EME2: variants seen among roughly 807,000 people sequenced by gnomAD.
EME2 encodes the protein structure-specific endonuclease subunit EME2.
EME2 carries 58 observed loss-of-function variants against 41.9 expected under a neutral mutation model. The observed-to-expected ratio is 1.38, with a 90% CI of 1.12 to 1.72. The LOEUF (loss-of-function observed/expected upper bound fraction) is 1.72, where lower values mean the gene tolerates loss of function less well. EME2 is among the 40% of genes most tolerant of loss of function. The pLI, the probability that EME2 is intolerant of heterozygous loss-of-function variation, is 0.00. For synonymous variants in EME2, 334 were observed against 239.3 expected (o/e 1.40, Z -3.65); for missense variants, 695 against 541.9 (o/e 1.28, Z -2.81).
At chr16:1,774,467 C>G (rs1015188133) in intron 3 of EME2, 115 bp downstream of exon 3, 1 of 787,640 alleles carries the variant, frequency 1.3e-6, no homozygotes, top group African/African-American at 1.7e-5. Context: ...GGGCATGGGG[C>G]AGGCCAGGAC....
rs368211012 is a variant in EME2, at chr16:1,775,145, C to T, written c.569+13C>T. 9 of 1,611,482 alleles carry T rather than the reference C, an allele frequency of 5.6e-6. No individual in the cohort carries two copies. Among genetic ancestry groups the T allele is most frequent in the Non-Finnish European group, 6.8e-6 (8 of 1,179,276 alleles). ...ATGCCTACCTGTGGTACCGCTCACT[C>T]TCATGCCCACAGCAGGGCTGGCTGG... is the stretch of plus-strand genomic sequence containing the variant. On this transcript the variant is annotated intron_variant, in intron 4 of 7. Transcript: ENST00000568449.
rs1174906627 is a variant in EME2 at position 1,776,222 on chromosome 16, T to A, written c.1124T>A (p.Leu375Gln). The change falls in exon 8 of 8, where the codon CTG becomes CAG. Residue 375 changes from leucine to glutamine, a missense_variant. By Grantham distance (113) the Leu-to-Gln change is moderately radical. Coordinates refer to ENST00000568449, the MANE Select transcript of EME2 (RefSeq NM_001257370.2). ...FLTTANPDLLLDLGS is the reference protein window; with the variant it reads ...FLTTANPDLLQDLGS ...ACCACAGCCAACCCTGATCTCCTGC[T>A]GGACCTGGGCTCCTGACCACACGTG... is the stretch of plus-strand genomic sequence containing the variant. 6.2e-7 allele frequency: 1 copy of A among 1,612,440 alleles called. No individual in the cohort carries two copies. Among genetic ancestry groups the A allele is most frequent in the Non-Finnish European group, 8.5e-7 (1 of 1,179,954 alleles).
rs901114865 is a variant in EME2, at chr16:1,773,816, C to A, written c.359C>A (p.Ala120Glu). The A allele has an allele frequency of 1.3e-6, 2 of 1,557,460 alleles. No individual in the cohort carries two copies. The highest frequency in any genetic ancestry group is 8.7e-7 in the Non-Finnish European group (1 of 1,153,854). The change falls in exon 2 of 8, where the codon GCG becomes GAG. Residue 120 changes from alanine to glutamate, a missense_variant. Physicochemically the swap from Ala to Glu is moderately radical, Grantham distance 107. Coordinates refer to ENST00000568449, the MANE Select transcript of EME2 (RefSeq NM_001257370.2). The part of the protein sequence containing the change: ...RPARSLRWTR[A>E]SPDPCPRSLP... Reference sequence around the variant, plus strand: ...GCCCGCAGCCTGCGGTGGACCCGAGCGAGTCCCGACCCCTGCCCCCGCAGC... The same window carrying A: ...GCCCGCAGCCTGCGGTGGACCCGAGAGAGTCCCGACCCCTGCCCCCGCAGC...
At position 1,777,705 on chromosome 16, in the gene EME2, G is replaced by T; in HGVS notation, c.*1467G>T. On this transcript the variant is annotated 3_prime_UTR_variant, in exon 8 of 8. Transcript: ENST00000568449. ...TGGGGCGGGGTGGCTGCCTCCCTCG[G>T]GGTGACAGCTGAGAGGAGCTCAAGT... 1 of 1,603,136 alleles carries T rather than the reference G, an allele frequency of 6.2e-7. No individual in the cohort carries two copies.
chr16:1,778,616 G>A lies in EME2; in HGVS notation c.*2378G>A, dbSNP rs1331013592. ...GGTCGGAGTCCGAGTCGCTGTGCTG[G>A]GAGAGAAGGGCCGGCTGTTACTACC... On this transcript the variant is annotated 3_prime_UTR_variant, in exon 8 of 8. Coordinates refer to ENST00000568449, the MANE Select transcript of EME2 (RefSeq NM_001257370.2). 2 of 1,541,284 alleles carry A rather than the reference G, an allele frequency of 1.3e-6. No homozygotes were observed. The highest frequency in any genetic ancestry group is 1.4e-5 in the African/African-American group (1 of 73,496).
Position 1,776,817 on chromosome 16 carries a change from T to C in EME2, c.*579T>C, listed in dbSNP as rs538680542. 18 of 513,084 alleles carry C rather than the reference T, an allele frequency of 3.5e-5. No individual in the cohort carries two copies. Among genetic ancestry groups the C allele is most frequent in the Middle Eastern group, 1.0e-3 (2 of 1,966 alleles). The allele number at this position is 513,084 out of a possible 1,614,324, so 31.8% of individuals were successfully genotyped here. A position where few individuals can be genotyped will look rare whatever the true frequency, so the allele number is the denominator to read the frequency against. ...CAAGTTAGGAAAAACCGAGGCCCTG[T>C]GGGAACAGCAACGCGGGCTCCAGCC... On this transcript the variant is annotated 3_prime_UTR_variant, in exon 8 of 8. Coordinates refer to ENST00000568449, the MANE Select transcript of EME2 (RefSeq NM_001257370.2).
In EME2 at chr16:1,781,217, G is replaced by T; in HGVS notation, c.*4979G>T. ...CTGAATGCGGTGCATCCAGGAGACA[G>T]GCCCAGGTTTGGACTGGTCCTCTAG... On this transcript the variant is annotated 3_prime_UTR_variant, in exon 8 of 8. Coordinates refer to ENST00000568449, the MANE Select transcript of EME2 (RefSeq NM_001257370.2). 1 of 1,576,290 alleles carries T rather than the reference G, an allele frequency of 6.3e-7. No individual in the cohort carries two copies. The highest frequency in any genetic ancestry group is 8.6e-7 in the Non-Finnish European group (1 of 1,167,716).
rs149208934 is a variant in EME2 at position 1,775,671 on chromosome 16, C to G, written c.766C>G (p.Gln256Glu). 1 of 1,612,936 alleles carries G rather than the reference C, an allele frequency of 6.2e-7. No homozygotes were observed. The highest frequency in any genetic ancestry group is 8.5e-7 in the Non-Finnish European group (1 of 1,180,030). Residue 256 changes from glutamine to glutamate, a missense_variant, in exon 6 of 8, where the codon CAG (glutamine) becomes GAG (glutamate). By Grantham distance (29) the Gln-to-Glu change is conservative. Transcript: ENST00000568449. ...HVCAVTKALA[Q>E]YPLKQYRESQ... The stretch of plus-strand genomic sequence containing the variant: ...GTGCGCCGTTACCAAGGCTCTCGCC[C>G]AGTATCCCCTCAAGTGCGTGATGCC...
At position 1,775,909 on chromosome 16, in the gene EME2, A is replaced by G. The variant is rs562711182; in HGVS notation, c.892A>G (p.Arg298Gly). Residue 298 changes from arginine (R) to glycine (G), a missense_variant, in exon 7 of 8, where the codon AGG (arginine) becomes GGG (glycine). Transcript: ENST00000568449. ...GLQAAWRRQI[R>G]QFSRVSPAVA... ...GCAGGCGGCCTGGCGGAGGCAGATC[A>G]GGCAGTTCAGTCGGGTCAGCCCAGC... 6 of 1,612,356 alleles carry G rather than the reference A, an allele frequency of 3.7e-6. No individual in the cohort carries two copies. The South Asian group carries it at 6.6e-5, about 18-fold the overall frequency.
rs553015154 is a variant in EME2 at position 1,775,425 on chromosome 16, G to A, written c.663+17G>A. ...GTGGAAGAGGTGAGGGCCTGTCTGA[G>A]CTGGGTGAGTCAGGTGGCCTGGGTC... On this transcript the variant is annotated intron_variant, in intron 5 of 7. Coordinates refer to ENST00000568449, the MANE Select transcript of EME2 (RefSeq NM_001257370.2). 5.6e-6 allele frequency: 9 copies of A among 1,611,764 alleles called. No individual in the cohort carries two copies. The East Asian group carries it at 1.6e-4, about 28-fold the overall frequency.
chr16:1,778,807 A>C lies in EME2; in HGVS notation c.*2569A>C. The stretch of plus-strand genomic sequence containing the variant: ...GGGCTCCGGCTCTGCCCCATTCTGC[A>C]TGACCAGGAGGGCCCTGGAGGCCCA... On this transcript the variant is annotated 3_prime_UTR_variant, in exon 8 of 8. Transcript: ENST00000568449. The C allele has an allele frequency of 5.5e-6, 3 of 547,906 alleles. No homozygotes were observed. Among genetic ancestry groups the C allele is most frequent in the Non-Finnish European group, 9.1e-6 (3 of 330,738 alleles). 33.9% of individuals were successfully genotyped at this position (547,906 alleles called of 1,614,324 possible).
At position 1,777,185 on chromosome 16, in the gene EME2, G is replaced by A; in HGVS notation, c.*947G>A. Reference sequence around the variant, plus strand: ...GGTCGCTGCCTGGGGATCGGACACTGGAGCCTTGCGGCGGCTGCAACTCAT... The same window carrying A: ...GGTCGCTGCCTGGGGATCGGACACTAGAGCCTTGCGGCGGCTGCAACTCAT... On this transcript the variant is annotated 3_prime_UTR_variant, in exon 8 of 8. Coordinates refer to ENST00000568449, the MANE Select transcript of EME2 (RefSeq NM_001257370.2). 7 of 1,610,704 alleles carry A rather than the reference G, an allele frequency of 4.3e-6. No individual in the cohort carries two copies. The highest frequency in any genetic ancestry group is 1.3e-5 in the African/African-American group (1 of 75,054).
intron 3 of EME2, 94 bp downstream of exon 3, chr16:1,774,446 G>A (rs1005102461): frequency 2.6e-5 from 25 of 972,862 alleles, no homozygotes; most frequent in African/African-American, 1.9e-4. Flanking sequence ...CCCTGTAGAC[G>A]GGGCTGGAGG....
chr16:1,781,543 C>T lies in EME2; in HGVS notation c.*5305C>T, dbSNP rs374317813. ...GGCAAAGGAAGACTCACAGCACTCCCAGCCCTGAGCTTCCAGGCTGGGCCA... is the reference window on the plus strand; with the variant it reads ...GGCAAAGGAAGACTCACAGCACTCCTAGCCCTGAGCTTCCAGGCTGGGCCA... On this transcript the variant is annotated 3_prime_UTR_variant, in exon 8 of 8. Transcript: ENST00000568449. 3.2e-6 allele frequency: 5 copies of T among 1,578,730 alleles called. No individual in the cohort carries two copies. The highest frequency in any genetic ancestry group is 1.1e-5 in the South Asian group (1 of 87,030).
rs2042676609 is a variant in EME2 at position 1,774,286 on chromosome 16, T to A, written c.411T>A (p.Gly137=). 3 of 1,612,706 alleles carry A rather than the reference T, an allele frequency of 1.9e-6. No homozygotes were observed. Among genetic ancestry groups the A allele is most frequent in the Non-Finnish European group, 2.5e-6 (3 of 1,179,928 alleles). Residue 137 remains glycine (G), a synonymous_variant, in exon 3 of 8, where the codon GGT becomes GGA. Transcript: ENST00000568449. The part of the protein sequence containing the change: ...RSLPPEVWAA[G]EQELLLLLEP... The stretch of plus-strand genomic sequence containing the variant: ...TGCCTCCTGAAGTGTGGGCTGCAGG[T>A]GAACAGGAATTGCTGCTGCTGCTGG...
rs2042717636 is a variant in EME2, at chr16:1,776,683, T to C, written c.*445T>C. The C allele has an allele frequency of 6.9e-6, 2 of 291,492 alleles. No individual in the cohort carries two copies. Among genetic ancestry groups the C allele is most frequent in the Non-Finnish European group, 1.3e-5 (2 of 154,900 alleles). The allele number at this position is 291,492 out of a possible 1,614,324, so 18.1% of individuals were successfully genotyped here. ...CCAGGCTGCTCGCAAGCCCGGCCTCTGCACGGATACGTTTCAGCTCACGCC... is the reference window on the plus strand; with the variant it reads ...CCAGGCTGCTCGCAAGCCCGGCCTCCGCACGGATACGTTTCAGCTCACGCC... On this transcript the variant is annotated 3_prime_UTR_variant, in exon 8 of 8. Coordinates refer to ENST00000568449, the MANE Select transcript of EME2 (RefSeq NM_001257370.2).
rs2042714395 is a variant in EME2, at chr16:1,776,434, G to A, written c.*196G>A. The A allele has an allele frequency of 5.2e-6, 3 of 578,066 alleles. No individual in the cohort carries two copies. In the South Asian group the frequency reaches 6.7e-5, roughly 13 times the overall value. The allele number at this position is 578,066 out of a possible 1,614,324, so 35.8% of individuals were successfully genotyped here. A position where few individuals can be genotyped will look rare whatever the true frequency, so the allele number is the denominator to read the frequency against. On this transcript the variant is annotated 3_prime_UTR_variant, in exon 8 of 8. Transcript: ENST00000568449. The stretch of plus-strand genomic sequence containing the variant: ...GCTGGGAGAAGAGGGGCTTCTGGCT[G>A]GCAGATGGCTGGCGGTTCCTGTGCT...
Position 1,777,075 on chromosome 16 carries a change from G to A in EME2, c.*837G>A, listed in dbSNP as rs552495614. 3 of 1,605,410 alleles carry A rather than the reference G, an allele frequency of 1.9e-6. No individual in the cohort carries two copies. Among genetic ancestry groups the A allele is most frequent in the East Asian group, 2.2e-5 (1 of 44,770 alleles). On this transcript the variant is annotated 3_prime_UTR_variant, in exon 8 of 8. Transcript: ENST00000568449. ...GAAAGGGGCTGTCCCAGCCCAAGAA[G>A]GCAGTTCCACTGGGAAGTCAGTCAG...
At position 1,777,574 on chromosome 16, in the gene EME2, G is replaced by A. The variant is rs1032923536; in HGVS notation, c.*1336G>A. 30 of 1,346,550 alleles carry A rather than the reference G, an allele frequency of 2.2e-5. No individual in the cohort carries two copies. The highest frequency in any genetic ancestry group is 2.6e-5 in the Non-Finnish European group (26 of 1,007,088). 83.4% of individuals were successfully genotyped at this position (1,346,550 alleles called of 1,614,324 possible). A position where few individuals can be genotyped will look rare whatever the true frequency, so the allele number is the denominator to read the frequency against. On this transcript the variant is annotated 3_prime_UTR_variant, in exon 8 of 8. Coordinates refer to ENST00000568449, the MANE Select transcript of EME2 (RefSeq NM_001257370.2). Reference sequence around the variant, plus strand: ...AGCTGAGGCAAGGCAGGGTGCACGCGCTGGCCCTGCCACTCCAGCCTGGCC... The same window carrying A: ...AGCTGAGGCAAGGCAGGGTGCACGCACTGGCCCTGCCACTCCAGCCTGGCC...
Sources: gnomAD v4.1 joint callset for allele counts on GRCh38, gnomAD v4.1.1 for gene constraint, MANE v1.5 for transcripts, NCBI Gene and HGNC (gene_info 2026-07-23, HGNC 2026-07-21) for gene names.